Variants in KCTD16 observed in about 807,000 individuals in gnomAD.
KCTD16 encodes BTB/POZ domain-containing protein KCTD16.
Under a neutral mutation model 33.2 loss-of-function variants are expected in KCTD16, and 13 were observed. The ratio of observed to expected loss-of-function variants is 0.39; its 90% CI spans 0.25 to 0.62. The LOEUF (loss-of-function observed/expected upper bound fraction) is 0.62. Among genes scored for constraint, KCTD16 ranks in the 20% least tolerant of loss-of-function variants. The probability of loss-of-function intolerance (pLI) is 0.50; values close to 1 mark genes in which losing one functional copy is unlikely to be tolerated. For missense variants in KCTD16, 441 were observed against 525.1 expected (o/e 0.84, Z 1.57); for synonymous variants, 197 against 195.3 (o/e 1.01, Z -0.07).
intron 3 of KCTD16, among the ~76,000 whole-genome samples, chr5:144,317,381 C>A (rs904137946): frequency 3.3e-5 from 5 of 152,112 alleles, no homozygotes; most frequent in African/African-American, 4.8e-5. Context: ...GGTCTATATA[C>A]CACCTGCTAT....
At chr5:144,340,417 A>G (rs1752602386) in intron 3 of KCTD16, among the ~76,000 whole-genome samples, 1 of 151,338 alleles carries the variant, frequency 6.6e-6, no homozygotes, top group Non-Finnish European at 1.5e-5. Context: ...AAAAAAAAAA[A>G]AAAAAAATCA....
At chr5:144,414,024 G>A (rs1752991837) in intron 3 of KCTD16, among the ~76,000 whole-genome samples, 1 of 152,156 alleles carries the variant, frequency 6.6e-6, no homozygotes, top group Non-Finnish European at 1.5e-5. Flanking sequence ...AAAAGTCAGT[G>A]TAAGTATCCC....
intron 3 of KCTD16, among the ~76,000 whole-genome samples, chr5:144,397,098 A>G (rs1435837979): frequency 2.4e-5 from 2 of 82,090 alleles, no homozygotes; most frequent in Non-Finnish European, 4.5e-5. Flanking sequence ...AACAGGCCCC[A>G]CTGTGTGATG....
intron 3 of KCTD16, among the ~76,000 whole-genome samples, chr5:144,313,607 C>A (rs534956889): frequency 6.6e-6 from 1 of 152,234 alleles, no homozygotes; most frequent in African/African-American, 2.4e-5. Flanking sequence ...AATTTAATGG[C>A]ACTTAAGATG....
At chr5:144,395,525 C>T (rs1014656120) in intron 3 of KCTD16, among the ~76,000 whole-genome samples, 1 of 152,132 alleles carries the variant, frequency 6.6e-6, no homozygotes, top group Non-Finnish European at 1.5e-5. Flanking sequence ...TCTCTGCAAT[C>T]GCAGCTGGGC....
At chr5:144,446,731 CA>C in intron 3 of KCTD16, among the ~76,000 whole-genome samples, 1 of 152,014 alleles carries the variant, frequency 6.6e-6, no homozygotes, top group East Asian at 1.9e-4. Flanking sequence ...ACAACCCCAT[CA>C]AAAAATGGGC....
chr5:144,467,699 T>G (rs1580987955), intron 3 of KCTD16, among the ~76,000 whole-genome samples: 1 of 151,642 alleles, frequency 6.6e-6, no homozygotes. Flanking sequence ...TGAAGTGAGG[T>G]GATTTTTTGT....
At chr5:144,322,055 T>C (rs1752085452) in intron 3 of KCTD16, among the ~76,000 whole-genome samples, 1 of 152,164 alleles carries the variant, frequency 6.6e-6, no homozygotes, top group Non-Finnish European at 1.5e-5. Flanking sequence ...AGAAGCAATA[T>C]AAATTTTGTG....
chr5:144,322,820 T>C (rs1250414643), intron 3 of KCTD16, among the ~76,000 whole-genome samples: 3 of 152,070 alleles, frequency 2.0e-5, no homozygotes, highest in Admixed American at 6.6e-5. Flanking sequence ...CAAGTCTCCA[T>C]TGTGACCAGT....
intron 3 of KCTD16, among the ~76,000 whole-genome samples, chr5:144,213,183 T>G (rs1753450355): frequency 6.6e-6 from 1 of 152,022 alleles, no homozygotes; most frequent in Non-Finnish European, 1.5e-5. Flanking sequence ...TGAATCAAGA[T>G]GCAAATGAAA....
At chr5:144,278,170 A>G (rs1205205457) in intron 3 of KCTD16, among the ~76,000 whole-genome samples, 4 of 152,098 alleles carry the variant, frequency 2.6e-5, no homozygotes, top group Admixed American at 6.5e-5. Context: ...TCATTTAAAT[A>G]TAGAATTCAT....
At chr5:144,347,954 C>T (rs1014588142) in intron 3 of KCTD16, among the ~76,000 whole-genome samples, 3 of 152,140 alleles carry the variant, frequency 2.0e-5, no homozygotes, top group Non-Finnish European at 2.9e-5. Flanking sequence ...TGCCTCCAGC[C>T]GCATTCTTTT....
At chr5:144,281,715 T>A (rs1755614007) in intron 3 of KCTD16, among the ~76,000 whole-genome samples, 1 of 152,204 alleles carries the variant, frequency 6.6e-6, no homozygotes, top group African/African-American at 2.4e-5. Context: ...TTGATAGTGT[T>A]GTTCAGGACT....
chr5:144,226,783 G>C (rs1362162338), intron 3 of KCTD16, among the ~76,000 whole-genome samples: 1 of 152,048 alleles, frequency 6.6e-6, no homozygotes, highest in African/African-American at 2.4e-5. Context: ...ATGTTGGTCA[G>C]GCTGGTCTCA....
intron 3 of KCTD16, among the ~76,000 whole-genome samples, chr5:144,257,801 A>C (rs576773005): frequency 6.6e-6 from 1 of 152,232 alleles, no homozygotes; most frequent in South Asian, 2.1e-4. Flanking sequence ...ATAGTTTCTT[A>C]TTAGATTCTT....
intron 3 of KCTD16, among the ~76,000 whole-genome samples, chr5:144,221,434 C>T (rs1466454502): frequency 6.6e-6 from 1 of 152,124 alleles, no homozygotes; most frequent in Non-Finnish European, 1.5e-5. Context: ...CACCCCCTGA[C>T]AGGCCCCAGT....
At chr5:144,340,910 C>T (rs1752620955) in intron 3 of KCTD16, among the ~76,000 whole-genome samples, 2 of 151,892 alleles carry the variant, frequency 1.3e-5, no homozygotes, top group South Asian at 4.2e-4. Context: ...ATTAGCCAGG[C>T]ACGGTGGTGG....
At chr5:144,439,287 A>G in intron 3 of KCTD16, 1 of 442,044 alleles carries the variant, frequency 2.3e-6, no homozygotes, top group Non-Finnish European at 4.4e-6. Flanking sequence ...GCCCAAGGAC[A>G]TAGCCAAGCT....
At chr5:144,191,823 T>G (rs1580777446) in intron 2 of KCTD16, among the ~76,000 whole-genome samples, 1 of 4,706 alleles carries the variant, frequency 2.1e-4, no homozygotes, top group Non-Finnish European at 3.5e-4. Flanking sequence ...CGTATTTCCA[T>G]TTTTTTTTTT....
Sources: allele counts gnomAD v4.1 joint callset (sites outside exome capture counted in the v4.1 genomes callset), GRCh38; gene constraint gnomAD v4.1.1; transcripts MANE v1.5; gene names NCBI Gene and HGNC (gene_info 2026-07-23, HGNC 2026-07-21).